The following REV3L variants were observed in gnomAD, a reference collection of about 807,000 sequenced individuals.
REV3L encodes the protein DNA polymerase zeta catalytic subunit.
In REV3L, 69 loss-of-function variants were observed where a neutral mutation model predicts 299.4. That is an observed-to-expected ratio of 0.23 (90% confidence interval 0.19 to 0.28). The LOEUF is 0.28. Among genes scored for constraint, REV3L ranks in the 10% least tolerant of loss-of-function variants. The pLI is 1.00. For missense variants in REV3L, 3,128 were observed against 3,693.8 expected (o/e 0.85, Z 3.97); for synonymous variants, 1,238 against 1,271.4 (o/e 0.97, Z 0.56).
chr6:111,448,385 C>G (rs961673007), intron 1 of REV3L, among the ~76,000 whole-genome samples: 4 of 151,996 alleles, frequency 2.6e-5, no homozygotes, highest in Admixed American at 6.6e-5. Flanking sequence ...GTTGCCCAGG[C>G]TGGCGTATAA....
chr6:111,442,439 T>G lies in REV3L; in HGVS notation c.140-25967A>C, dbSNP rs577439509. On this transcript the variant is annotated intron_variant, in intron 1 of 31. Transcript: ENST00000368802. ...ATATGTCTTACCATGAAGTCTACTT[T>G]GCCTGATCTTTAGATACGCCAGTGT... 2.3e-4 allele frequency among the ~76,000 whole-genome samples: 35 copies of G among 152,340 alleles called. No individual in the cohort carries two copies. In the South Asian group the frequency reaches 7.0e-3, roughly 31 times the overall value.
chr6:111,468,212 C>A (rs1791738304), intron 1 of REV3L, among the ~76,000 whole-genome samples: 1 of 152,162 alleles, frequency 6.6e-6, no homozygotes, highest in African/African-American at 2.4e-5. Context: ...ATGCCAGGAT[C>A]TTTTCCTTCC....
chr6:111,432,153 A>T (rs902942307), intron 1 of REV3L, among the ~76,000 whole-genome samples: 1 of 152,214 alleles, frequency 6.6e-6, no homozygotes, highest in Non-Finnish European at 1.5e-5. Context: ...AAAAGGAAGG[A>T]GTTCTAAAAC....
In REV3L at chr6:111,379,984, C is replaced by T. The variant is rs779047506; in HGVS notation, c.1452G>A (p.Lys484=). ...AACTGCAATAACTAAAAAATTACCT[C>T]TTTTTGGCACAATGTTCTTCAATAT... ...DSNIEEHCAK[K]RSLCRNTHRS... The change falls in exon 11 of 32, where the codon AAG becomes AAA. Residue 484 remains lysine, a splice_region_variant and synonymous_variant. Coordinates refer to ENST00000368802, the MANE Select transcript of REV3L (RefSeq NM_001372078.1). 1.3e-6 allele frequency: 2 copies of T among 1,598,540 alleles called. No individual in the cohort carries two copies. The highest frequency in any genetic ancestry group is 1.7e-6 in the Non-Finnish European group (2 of 1,168,630).
In REV3L at chr6:111,333,342, C is replaced by T. The variant is rs763851878; in HGVS notation, c.7706G>A (p.Arg2569His). 3.7e-6 allele frequency: 6 copies of T among 1,613,930 alleles called. No individual in the cohort carries two copies. Among genetic ancestry groups the T allele is most frequent in the Admixed American group, 1.7e-5 (1 of 60,002 alleles). ...SQYRVESMML[R>H]IAKPMNYIPV... is the part of the protein sequence containing the mutation. ...AATATAGTTCATTGGTTTAGCAATA[C>T]GCAACATCATTGATTCCACACGGTA... Residue 2569 changes from arginine (R) to histidine (H), a missense_variant, in exon 23 of 32, where the codon CGT becomes CAT. Around this residue, in one of 9 missense-constraint regions of REV3L, gnomAD observed 149 missense variants for 286.4 expected, o/e 0.52. Coordinates refer to ENST00000368802, the MANE Select transcript of REV3L (RefSeq NM_001372078.1).
chr6:111,357,747 C>G (rs1302346990), intron 17 of REV3L, among the ~76,000 whole-genome samples: 3 of 152,038 alleles, frequency 2.0e-5, no homozygotes, highest in Non-Finnish European at 2.9e-5. Flanking sequence ...TACTTTGTTT[C>G]TGTCTTTACT....
chr6:111,350,020 G>A (rs1777433106), intron 19 of REV3L, among the ~76,000 whole-genome samples: 1 of 152,172 alleles, frequency 6.6e-6, no homozygotes, highest in African/African-American at 2.4e-5. Flanking sequence ...ATATGTGAAT[G>A]TTGATGATTA....
intron 22 of REV3L, among the ~76,000 whole-genome samples, chr6:111,334,979 G>A (rs140659670): frequency 5.3e-5 from 8 of 152,162 alleles, no homozygotes; most frequent in African/African-American, 9.6e-5. Context: ...TCAGCAAGGC[G>A]TTTAGTAAAA....
intron 4 of REV3L, among the ~76,000 whole-genome samples, chr6:111,403,294 A>C (rs1360250068): frequency 6.6e-6 from 1 of 152,192 alleles, no homozygotes; most frequent in Non-Finnish European, 1.5e-5. Context: ...GGTGATGAAA[A>C]TGTTCTGAAT....
intron 1 of REV3L, among the ~76,000 whole-genome samples, chr6:111,447,293 TTATTTC>T (rs1253263232): frequency 2.0e-5 from 3 of 152,186 alleles, no homozygotes; most frequent in Admixed American, 6.5e-5. Context: ...TCGTGTGAGA[TTATTTC>T]AACTCCAACT....
intron 1 of REV3L, among the ~76,000 whole-genome samples, chr6:111,435,721 A>T (rs1787466279): frequency 1.3e-5 from 2 of 152,214 alleles, no homozygotes; most frequent in African/African-American, 4.8e-5. Flanking sequence ...CTAGAAGAAA[A>T]CATTGGGGAA....
At chr6:111,346,576 T>C (rs1777051028) in intron 20 of REV3L, among the ~76,000 whole-genome samples, 1 of 152,186 alleles carries the variant, frequency 6.6e-6, no homozygotes, top group Non-Finnish European at 1.5e-5. Context: ...CTTGAATTCC[T>C]GGCCTCAAAA....
In REV3L at chr6:111,374,393, G is replaced by A. The variant is rs1416610777; in HGVS notation, c.3962C>T (p.Ser1321Leu). ...AGGTCCTATAGAATTACAAACAACT[G>A]ATGGATGCAAATCATCTCGTGAACT... ...FPSSRDDLHPSVVCNSIGPGV... is the reference protein window; with the variant it reads ...FPSSRDDLHPLVVCNSIGPGV... The change falls in exon 13 of 32, where the codon TCA (serine) becomes TTA (leucine). Residue 1321 changes from serine to leucine, a missense_variant. This residue lies in a region of REV3L where 2,409 missense variants were observed against 2,611.8 expected (regional missense o/e 0.92). Transcript: ENST00000368802. 1.2e-6 allele frequency: 2 copies of A among 1,613,954 alleles called. No homozygotes were observed. Among genetic ancestry groups the A allele is most frequent in the Admixed American group, 3.3e-5 (2 of 60,006 alleles).
intron 13 of REV3L, 76 bp downstream of exon 13, chr6:111,372,520 T>C: frequency 1.7e-6 from 2 of 1,171,692 alleles, no homozygotes; most frequent in Non-Finnish European, 2.3e-6. Context: ...TACATTCTTT[T>C]TTTTTCAATC....
At chr6:111,470,458 G>A (rs1792063046) in intron 1 of REV3L, among the ~76,000 whole-genome samples, 1 of 152,086 alleles carries the variant, frequency 6.6e-6, no homozygotes, top group Non-Finnish European at 1.5e-5. Flanking sequence ...TGTAAAATGG[G>A]GATAACAGTC....
chr6:111,357,844 A>G (rs1778255078), intron 17 of REV3L, among the ~76,000 whole-genome samples: 1 of 152,146 alleles, frequency 6.6e-6, no homozygotes, highest in Non-Finnish European at 1.5e-5. Flanking sequence ...TGCAGGAAAA[A>G]AAAGAAAGCC....
In REV3L at chr6:111,379,974, A is replaced by G; in HGVS notation, c.1454+8T>C. On this transcript the variant is annotated splice_region_variant and intron_variant, in intron 11 of 31. Transcript: ENST00000368802. Reference sequence around the variant, plus strand: ...TTAATAAAACAACTGCAATAACTAAAAAATTACCTCTTTTTGGCACAATGT... The same window carrying G: ...TTAATAAAACAACTGCAATAACTAAGAAATTACCTCTTTTTGGCACAATGT... 1 of 1,564,630 alleles carries G rather than the reference A, an allele frequency of 6.4e-7. No individual in the cohort carries two copies. The highest frequency in any genetic ancestry group is 8.8e-7 in the Non-Finnish European group (1 of 1,140,536).
At chr6:111,338,311 C>CTTTTTTTTTTTTTTTTTTTTTTTTTTTT (rs1776115188) in intron 21 of REV3L, among the ~76,000 whole-genome samples, 3 of 49,034 alleles carry the variant, frequency 6.1e-5, no homozygotes, top group Admixed American at 2.3e-4. Flanking sequence ...AGTCTAAAGT[C>CTTTTTTTTTTTTTTTTTTTTTTTTTTTT]CTTTTTTTTT....
chr6:111,379,716 A>AT (rs1393452638), intron 11 of REV3L, among the ~76,000 whole-genome samples: 3 of 152,204 alleles, frequency 2.0e-5, no homozygotes, highest in Non-Finnish European at 4.4e-5. Context: ...ATTTTGCTCC[A>AT]TTTATCACTC....
Sources: allele counts gnomAD v4.1 joint callset (sites outside exome capture counted in the v4.1 genomes callset), GRCh38; gene constraint gnomAD v4.1.1; regional missense constraint gnomAD v4.1.1; transcripts MANE v1.5; gene names NCBI Gene and HGNC (gene_info 2026-07-23, HGNC 2026-07-21).